CDYL: variants seen among roughly 807,000 people sequenced by gnomAD.
CDYL encodes the protein chromodomain Y like, also known as chromodomain Y-like protein.
A neutral mutation model predicts 47.3 loss-of-function variants in CDYL; 8 were observed. The observed-to-expected ratio is 0.17, with a 90% CI of 0.10 to 0.31. The LOEUF (loss-of-function observed/expected upper bound fraction) is 0.31, where lower values mean the gene tolerates loss of function less well. CDYL is among the 10% of genes least tolerant of loss of function. The pLI is 1.00. For synonymous variants in CDYL, 266 were observed against 265.0 expected, an observed-to-expected ratio of 1.00 and a Z score of -0.04; for missense variants, 471 against 701.4, an observed-to-expected ratio of 0.67 and a Z score of 3.71.
intron 5 of CDYL, among the ~76,000 whole-genome samples, chr6:4,950,909 G>T (rs1286821994): frequency 2.0e-5 from 3 of 148,486 alleles, no homozygotes; most frequent in Non-Finnish European, 4.4e-5. Context: ...TCCAGCCTGG[G>T]CGACAGAAGG....
At chr6:4,759,947 A>T in intron 3 of CDYL, among the ~76,000 whole-genome samples, 1 of 117,548 alleles carries the variant, frequency 8.5e-6, no homozygotes. Flanking sequence ...AAAAGAAAAG[A>T]AAGAAAGAAA....
In CDYL at chr6:4,900,779, G is replaced by GTGTGTATATATGTATGTATATATATA; in HGVS notation, c.691+8401_691+8402insGTGTATATATGTATGTATATATATAT. 5.8e-4 allele frequency among the ~76,000 whole-genome samples: 30 copies of GTGTGTATATATGTATGTATATATATA among 51,720 alleles called. 2 individuals are homozygous for GTGTGTATATATGTATGTATATATATA. Among genetic ancestry groups the GTGTGTATATATGTATGTATATATATA allele is most frequent in the Non-Finnish European group, 1.1e-3 (27 of 24,184 alleles). 33.9% of individuals were successfully genotyped at this position (51,720 alleles called of 152,430 possible). A position where few individuals can be genotyped will look rare whatever the true frequency, so the allele number is the denominator to read the frequency against. On this transcript the variant is annotated intron_variant, in intron 2 of 6. Coordinates refer to ENST00000397588, the MANE Select transcript of CDYL (RefSeq NM_004824.4). The stretch of plus-strand genomic sequence containing the variant: ...TCTTCTGTTAATTCCGTATACGTGT[G>GTGTGTATATATGTATGTATATATATA]TATATATATATATATATATATATAT...
At chr6:4,840,429 C>T (rs946829956) in intron 1 of CDYL, among the ~76,000 whole-genome samples, 5 of 152,108 alleles carry the variant, frequency 3.3e-5, no homozygotes, top group African/African-American at 7.2e-5. Flanking sequence ...CTGGCTATGA[C>T]TTGCAGTATG....
intron 2 of CDYL, among the ~76,000 whole-genome samples, chr6:4,924,729 T>C (rs1223166847): frequency 6.6e-6 from 1 of 152,176 alleles, no homozygotes; most frequent in Non-Finnish European, 1.5e-5. Context: ...TACTGAGCAG[T>C]TGAAAGAAAA....
Position 4,943,765 on chromosome 6 carries a change from C to T in CDYL, c.1332+9C>T. 6 of 1,201,642 alleles carry T rather than the reference C, an allele frequency of 5.0e-6. No homozygotes were observed. The highest frequency in any genetic ancestry group is 3.1e-5 in the Admixed American group (1 of 32,482). The allele number at this position is 1,201,642 out of a possible 1,614,324, so 74.4% of individuals were successfully genotyped here. On this transcript the variant is annotated intron_variant, in intron 5 of 6. Coordinates refer to ENST00000397588, the MANE Select transcript of CDYL (RefSeq NM_004824.4). ...TAATGGGAGGAGCATCTGTGAGTACCTTTTTAAAAAAAAAAAAAAAAAGTC... is the reference window on the plus strand; with the variant it reads ...TAATGGGAGGAGCATCTGTGAGTACTTTTTTAAAAAAAAAAAAAAAAAGTC...
In CDYL at chr6:4,791,915, C is replaced by T. The variant is rs565154596; in HGVS notation, c.24+15108C>T. ...TTTTTTTTTTTGAGACGGAGTCTTGCTCTGTTGCCCAGGCTGGAGTGCAGT... is the reference window on the plus strand; with the variant it reads ...TTTTTTTTTTTGAGACGGAGTCTTGTTCTGTTGCCCAGGCTGGAGTGCAGT... On this transcript the variant is annotated intron_variant, in intron 1 of 6. Coordinates refer to ENST00000397588, the MANE Select transcript of CDYL (RefSeq NM_004824.4). 6.8e-5 allele frequency among the ~76,000 whole-genome samples: 10 copies of T among 147,340 alleles called. No individual in the cohort carries two copies. The East Asian group carries it at 1.6e-3, about 23-fold the overall frequency.
chr6:4,773,186 T>C (rs1354068487), upstream of CDYL: 10 of 457,292 alleles, frequency 2.2e-5, no homozygotes, highest in Admixed American at 1.2e-4. The surrounding 1 kb of genome is among the most constrained non-coding windows in gnomAD (Gnocchi z 4.6). Context: ...CAGGTAAGAA[T>C]CGTTTATTGC....
intron 1 of CDYL, among the ~76,000 whole-genome samples, chr6:4,886,477 A>T (rs547104897): frequency 6.6e-6 from 1 of 152,156 alleles, no homozygotes; most frequent in Non-Finnish European, 1.5e-5. Context: ...ATGGCTAATG[A>T]TGTTGAGCGT....
At chr6:4,715,183 T>C (rs1323235610) in intron 1 of CDYL, among the ~76,000 whole-genome samples, 1 of 152,212 alleles carries the variant, frequency 6.6e-6, no homozygotes, top group Non-Finnish European at 1.5e-5. Context: ...CTCACTTCCT[T>C]GTCTCCATTA....
chr6:4,895,449 A>ATGTATACG (rs1210883515), intron 2 of CDYL, among the ~76,000 whole-genome samples: 115 of 3,072 alleles, frequency 0.037, 49 homozygotes, highest in Admixed American at 0.038. Context: ...GTATATATGC[A>ATGTATACG]TATATACATG....
intron 3 of CDYL, among the ~76,000 whole-genome samples, chr6:4,757,328 T>C (rs1758090565): frequency 6.6e-6 from 1 of 152,236 alleles, no homozygotes; most frequent in Non-Finnish European, 1.5e-5. Context: ...TAACATTTCT[T>C]TGCTTTATAA....
intron 3 of CDYL, among the ~76,000 whole-genome samples, chr6:4,747,306 CA>C (rs11481080): frequency 7.3e-4 from 97 of 132,942 alleles, no homozygotes; most frequent in African/African-American, 2.1e-3. Flanking sequence ...GACTTCATCT[CA>C]AAAAAAAAAA....
intron 4 of CDYL, among the ~76,000 whole-genome samples, chr6:4,940,209 T>A (rs7757702): frequency 0.53 from 80,774 of 152,096 alleles, 23,763 homozygotes; most frequent in East Asian, 0.75. Flanking sequence ...ATTGATATTC[T>A]TGTGAAGAGC....
At chr6:4,889,789 T>G (rs1761991583) in intron 1 of CDYL, among the ~76,000 whole-genome samples, 1 of 152,336 alleles carries the variant, frequency 6.6e-6, no homozygotes, top group East Asian at 1.9e-4. Flanking sequence ...TGGTCTAATG[T>G]GTCCACTATG....
intron 3 of CDYL, among the ~76,000 whole-genome samples, chr6:4,746,564 C>CG (rs1475295229): frequency 1.3e-5 from 2 of 152,082 alleles, no homozygotes; most frequent in African/African-American, 4.8e-5. Flanking sequence ...GAGCTTGATG[C>CG]GTGCTTAAGC....
chr6:4,723,274 T>C (rs1246261307), intron 2 of CDYL, among the ~76,000 whole-genome samples: 2 of 152,166 alleles, frequency 1.3e-5, no homozygotes, highest in Non-Finnish European at 2.9e-5. Context: ...GCATTGACTA[T>C]GCCATTATAT....
At chr6:4,843,824 G>A (rs1221385242) in intron 1 of CDYL, among the ~76,000 whole-genome samples, 3 of 152,060 alleles carry the variant, frequency 2.0e-5, no homozygotes, top group Admixed American at 2.0e-4. Flanking sequence ...TCTTTTTGTG[G>A]CAATTCAGAG....
At chr6:4,744,383 T>C (rs1223102263) in intron 3 of CDYL, among the ~76,000 whole-genome samples, 7 of 151,998 alleles carry the variant, frequency 4.6e-5, no homozygotes, top group Non-Finnish European at 1.0e-4. Flanking sequence ...TAGTCCCAGC[T>C]ACTCAGGAGG....
chr6:4,890,756 C>G (rs892903139), intron 1 of CDYL, among the ~76,000 whole-genome samples: 2 of 152,198 alleles, frequency 1.3e-5, no homozygotes, highest in Non-Finnish European at 2.9e-5. Context: ...AGGTGCAGAC[C>G]TTTGCGTTCT....
Sources: gnomAD v4.1 joint callset for allele counts (sites outside exome capture counted in the v4.1 genomes callset) on GRCh38, gnomAD v4.1.1 for gene constraint, Gnocchi (gnomAD v3.1) non-coding constraint, MANE v1.5 for transcripts, NCBI Gene and HGNC (gene_info 2026-07-23, HGNC 2026-07-21) for gene names.